Variants in EFR3B observed in about 807,000 individuals in gnomAD.
EFR3B encodes the protein EFR3 homolog B.
EFR3B carries 64 observed loss-of-function variants against 104.7 expected under a neutral mutation model. That is an observed-to-expected ratio of 0.61 (90% confidence interval 0.50 to 0.75). The LOEUF (loss-of-function observed/expected upper bound fraction) is 0.75, where lower values mean the gene tolerates loss of function less well. EFR3B is among the 30% of genes least tolerant of loss of function. EFR3B has a pLI of 0.00. For synonymous variants in EFR3B, 385 were observed against 417.9 expected (o/e 0.92, Z 0.96); for missense variants, 750 against 1,078.5 (o/e 0.70, Z 4.27).
Position 25,130,748 on chromosome 2 carries a change from C to G in EFR3B, c.849+118C>G, listed in dbSNP as rs908014747. ...TGACTCCTCCGAAGCCCCCAGTTGC[C>G]GAAACCAGTGCTGCTTAAGCTAGCT... On this transcript the variant is annotated intron_variant, in intron 8 of 22. Transcript: ENST00000403714. The surrounding 1 kb of genome is among the most constrained non-coding windows in gnomAD (Gnocchi z 4.6). 5 of 891,456 alleles carry G rather than the reference C, an allele frequency of 5.6e-6. No individual in the cohort carries two copies. The highest frequency in any genetic ancestry group is 5.4e-6 in the Non-Finnish European group (3 of 557,568). 55.2% of individuals were successfully genotyped at this position (891,456 alleles called of 1,614,324 possible).
intron 1 of EFR3B, among the ~76,000 whole-genome samples, chr2:25,090,015 A>T (rs1373079965): frequency 2.0e-5 from 3 of 151,228 alleles, no homozygotes; most frequent in African/African-American, 4.8e-5. Context: ...CCCCCTCCCA[A>T]TCAAAACTCC....
chr2:25,126,044 T>G (rs1012433395), intron 5 of EFR3B, among the ~76,000 whole-genome samples: 1 of 152,216 alleles, frequency 6.6e-6, no homozygotes, highest in Non-Finnish European at 1.5e-5. Flanking sequence ...ATGTGAGGAT[T>G]TTTTGGAGTC....
At chr2:25,115,972 C>T (rs1669847845) in intron 4 of EFR3B, 1 of 152,212 alleles carries the variant, frequency 6.6e-6, no homozygotes. Context: ...CAGAACAAGG[C>T]ATGCATTAAA....
chr2:25,137,404 C>T lies in EFR3B; in HGVS notation c.1624C>T (p.His542Tyr). Residue 542 changes from histidine to tyrosine, a missense_variant, in exon 15 of 23, where the codon CAC becomes TAC. His to Tyr is a moderately conservative substitution (Grantham distance 83). Coordinates refer to ENST00000403714, the MANE Select transcript of EFR3B (RefSeq NM_014971.2). The surrounding 1 kb of genome is among the most constrained non-coding windows in gnomAD (Gnocchi z 4.7). ...CAAGGAGGAAACAAACGTGCAGAAA[C>T]ACTACGAGGCGCTCTATGGCTTGCT... ...SCKEETNVQK[H>Y]YEALYGLLAL... 1 of 1,551,962 alleles carries T rather than the reference C, an allele frequency of 6.4e-7. No homozygotes were observed. Among genetic ancestry groups the T allele is most frequent in the Non-Finnish European group, 8.7e-7 (1 of 1,147,076 alleles).
At position 25,136,942 on chromosome 2, in the gene EFR3B, C is replaced by T. The variant is rs1670531804; in HGVS notation, c.1560+344C>T. Among the ~76,000 whole-genome samples, 1 of 152,050 alleles carries T rather than the reference C, an allele frequency of 6.6e-6. No homozygotes were observed. Among genetic ancestry groups the T allele is most frequent in the African/African-American group, 2.4e-5 (1 of 41,374 alleles). On this transcript the variant is annotated intron_variant, in intron 14 of 22. Transcript: ENST00000403714. This position sits in a 1 kb window ranked among gnomAD's most constrained non-coding sequence, Gnocchi z 4.0. ...ACCACTGACTGCCCTTGGAGCCTGCCTCCTCCCTCTGTAGCTATGTCTCCT... is the reference window on the plus strand; with the variant it reads ...ACCACTGACTGCCCTTGGAGCCTGCTTCCTCCCTCTGTAGCTATGTCTCCT...
intron 1 of EFR3B, among the ~76,000 whole-genome samples, chr2:25,046,147 A>G (rs1667710138): frequency 6.6e-6 from 1 of 152,148 alleles, no homozygotes. Context: ...GCACTTTGGG[A>G]GGCCAGGGTG....
intron 4 of EFR3B, among the ~76,000 whole-genome samples, chr2:25,110,092 C>T (rs967817080): frequency 1.3e-5 from 2 of 152,088 alleles, no homozygotes; most frequent in African/African-American, 2.4e-5. Flanking sequence ...TGTTCCCCCC[C>T]ATCTTGCTTC....
At chr2:25,064,169 C>T (rs1018763215) in intron 1 of EFR3B, among the ~76,000 whole-genome samples, 10 of 152,238 alleles carry the variant, frequency 6.6e-5, no homozygotes, top group Non-Finnish European at 1.5e-5. Flanking sequence ...CCTGGCTCTA[C>T]GTTTCGGAGG....
At chr2:25,077,681 A>T (rs1317375875) in intron 1 of EFR3B, among the ~76,000 whole-genome samples, 1 of 152,228 alleles carries the variant, frequency 6.6e-6, no homozygotes, top group African/African-American at 2.4e-5. Flanking sequence ...ATACATATAT[A>T]TTTTAAAATA....
At chr2:25,120,480 C>A (rs530003683) in intron 4 of EFR3B, among the ~76,000 whole-genome samples, 1 of 152,010 alleles carries the variant, frequency 6.6e-6, no homozygotes, top group Non-Finnish European at 1.5e-5. Context: ...CCCGTCTCTA[C>A]TAAAAATACA....
At chr2:25,060,051 G>C (rs1310293443) in intron 1 of EFR3B, among the ~76,000 whole-genome samples, 1 of 151,650 alleles carries the variant, frequency 6.6e-6, no homozygotes, top group Non-Finnish European at 1.5e-5. Flanking sequence ...ACAAAAATTA[G>C]CCAGGTGTGG....
intron 1 of EFR3B, among the ~76,000 whole-genome samples, chr2:25,078,985 C>A (rs969721694): frequency 6.6e-6 from 1 of 152,164 alleles, no homozygotes; most frequent in Non-Finnish European, 1.5e-5. Flanking sequence ...TCCGACCTCC[C>A]AACCCTTCTC....
chr2:25,153,793 C>A, intron 22 of EFR3B, 32 bp downstream of exon 22: 1 of 1,550,652 alleles, frequency 6.4e-7, no homozygotes, highest in Non-Finnish European at 8.7e-7. Context: ...GGGACCCTGA[C>A]CTCCGTGGCC....
rs755720770 is a variant in EFR3B at position 25,130,231 on chromosome 2, G to C, written c.770+122G>C. ...ACAGTTGTGGTGCCGCAGCCGAGTC[G>C]ATCCCTTCCCTGTGCCTGTGTTCCC... On this transcript the variant is annotated intron_variant, in intron 7 of 22. Coordinates refer to ENST00000403714, the MANE Select transcript of EFR3B (RefSeq NM_014971.2). This position sits in a 1 kb window ranked among gnomAD's most constrained non-coding sequence, Gnocchi z 4.6. 2.5e-5 allele frequency: 36 copies of C among 1,419,710 alleles called. No individual in the cohort carries two copies. Among genetic ancestry groups the C allele is most frequent in the Non-Finnish European group, 3.3e-5 (35 of 1,053,402 alleles). The allele number at this position is 1,419,710 out of a possible 1,614,324, so 87.9% of individuals were successfully genotyped here. A position where few individuals can be genotyped will look rare whatever the true frequency, so the allele number is the denominator to read the frequency against.
Position 25,137,228 on chromosome 2 carries a change from G to A in EFR3B, c.1561-113G>A. ...TAAAGGCATCCCCTCCCCAAGGGAG[G>A]AGGGGGCACACAGCCATCCTGCCCC... On this transcript the variant is annotated intron_variant, in intron 14 of 22. Coordinates refer to ENST00000403714, the MANE Select transcript of EFR3B (RefSeq NM_014971.2). This position sits in a 1 kb window ranked among gnomAD's most constrained non-coding sequence, Gnocchi z 4.7. 1 of 1,238,590 alleles carries A rather than the reference G, an allele frequency of 8.1e-7. No homozygotes were observed. Among genetic ancestry groups the A allele is most frequent in the Non-Finnish European group, 1.1e-6 (1 of 892,248 alleles). The allele number at this position is 1,238,590 out of a possible 1,614,324, so 76.7% of individuals were successfully genotyped here.
intron 4 of EFR3B, among the ~76,000 whole-genome samples, chr2:25,116,873 CAG>C (rs1444318565): frequency 1.3e-5 from 2 of 152,132 alleles, no homozygotes; most frequent in African/African-American, 2.4e-5. Flanking sequence ...CGCACCACCT[CAG>C]GGGTAGCTGC....
chr2:25,152,351 T>C (rs750372403), intron 21 of EFR3B, among the ~76,000 whole-genome samples: 5 of 152,256 alleles, frequency 3.3e-5, no homozygotes, highest in Non-Finnish European at 5.9e-5. Flanking sequence ...ATGCTCACTG[T>C]GGTCCTGACA....
intron 4 of EFR3B, among the ~76,000 whole-genome samples, chr2:25,118,399 C>A (rs1053657602): frequency 2.6e-5 from 4 of 152,278 alleles, no homozygotes; most frequent in South Asian, 4.1e-4. Flanking sequence ...TTGCAGCTGT[C>A]AGGATTCCCT....
chr2:25,112,358 C>T (rs1669745146), intron 4 of EFR3B, among the ~76,000 whole-genome samples: 1 of 152,240 alleles, frequency 6.6e-6, no homozygotes, highest in Non-Finnish European at 1.5e-5. Flanking sequence ...GGGATGGTGT[C>T]CTGGGGCCAG....
Sources: gnomAD v4.1 joint callset for allele counts (sites outside exome capture counted in the v4.1 genomes callset) on GRCh38, gnomAD v4.1.1 for gene constraint, Gnocchi (gnomAD v3.1) non-coding constraint, MANE v1.5 for transcripts, NCBI Gene and HGNC (gene_info 2026-07-23, HGNC 2026-07-21) for gene names.